EXOC7: variants seen among roughly 807,000 people sequenced by gnomAD.
EXOC7 encodes exocyst complex component 7, also known as exocyst complex component Exo70.
Under a neutral mutation model 87.6 loss-of-function variants are expected in EXOC7, and 51 were observed. That is an observed-to-expected ratio of 0.58 (90% confidence interval 0.46 to 0.73). The LOEUF is 0.73. Ranked by LOEUF, EXOC7 falls within the 30% of genes least tolerant of loss-of-function variation. EXOC7 has a pLI of 0.00. For missense variants in EXOC7, 744 were observed against 888.4 expected, an observed-to-expected ratio of 0.84 and a Z score of 2.07; for synonymous variants, 327 against 357.1, an observed-to-expected ratio of 0.92 and a Z score of 0.95.
At chr17:76,090,541 C>A in intron 7 of EXOC7, 1 of 1,498,382 alleles carries the variant, frequency 6.7e-7, no homozygotes. Flanking sequence ...GGAGAGGGCC[C>A]TGAGCCCCTC....
chr17:76,091,273 C>G (rs2067466903), intron 6 of EXOC7, 38 bp from the exon 7 acceptor site: 1 of 1,583,762 alleles, frequency 6.3e-7, no homozygotes, highest in African/African-American at 1.3e-5. Context: ...ATAAGAAGAC[C>G]TAGGAAATGA....
At chr17:76,088,334 C>G in intron 10 of EXOC7, 130 bp downstream of exon 10, 1 of 1,015,722 alleles carries the variant, frequency 9.8e-7, no homozygotes, top group Non-Finnish European at 1.5e-6. Context: ...TGGGTGCTGA[C>G]AGGCCAGTGG....
At chr17:76,085,835 G>T in intron 13 of EXOC7, 38 bp from the exon 14 acceptor site, 1 of 1,599,312 alleles carries the variant, frequency 6.3e-7, no homozygotes, top group Non-Finnish European at 8.5e-7. Context: ...CACCATGGCA[G>T]TCTGACCCAA....
Position 76,082,686 on chromosome 17 carries a change from G to A in EXOC7, c.*962C>T. The stretch of plus-strand genomic sequence containing the variant: ...GGGCCTGGGCTGCACACCTTAGGAT[G>A]AAGTTTGCTTTCCCATGGCTGGGGG... On this transcript the variant is annotated 3_prime_UTR_variant, in exon 19 of 19. Coordinates refer to ENST00000589210, the MANE Select transcript of EXOC7 (RefSeq NM_001013839.4). 4 of 1,558,208 alleles carry A rather than the reference G, an allele frequency of 2.6e-6. No individual in the cohort carries two copies. Among genetic ancestry groups the A allele is most frequent in the Non-Finnish European group, 3.5e-6 (4 of 1,153,064 alleles).
At chr17:76,088,955 G>A (rs1285503215) in intron 8 of EXOC7, 32 bp from the exon 9 acceptor site, 1 of 1,603,438 alleles carries the variant, frequency 6.2e-7, no homozygotes, top group Non-Finnish European at 8.5e-7. Flanking sequence ...TCAGGGAAGG[G>A]TGGGGCGGTG....
At chr17:76,085,229 G>T in intron 15 of EXOC7, 85 bp downstream of exon 15, 2 of 1,136,022 alleles carry the variant, frequency 1.8e-6, no homozygotes, top group Non-Finnish European at 2.6e-6. Context: ...CCCCGTGACC[G>T]ACTCTGTGTC....
chr17:76,096,666 C>T (rs2067773011), intron 5 of EXOC7, among the ~76,000 whole-genome samples: 1 of 152,136 alleles, frequency 6.6e-6, no homozygotes, highest in Admixed American at 6.5e-5. Flanking sequence ...AAGAGATTCT[C>T]TTGCCTCAGC....
chr17:76,093,470 G>A (rs2067596243), intron 6 of EXOC7: 1 of 152,836 alleles, frequency 6.5e-6, no homozygotes, highest in African/African-American at 2.4e-5. Flanking sequence ...TGAGCAGGCA[G>A]GGACTGGAGA....
chr17:76,088,316 A>C, intron 10 of EXOC7, 148 bp downstream of exon 10: 1 of 944,712 alleles, frequency 1.1e-6, no homozygotes, highest in Non-Finnish European at 1.6e-6. Context: ...GAAGGAAAGG[A>C]AGGCACATGG....
chr17:76,098,062 T>TTC (rs755346275), intron 4 of EXOC7, 44 bp from the exon 5 acceptor site: 2 of 1,566,664 alleles, frequency 1.3e-6, no homozygotes, highest in Non-Finnish European at 1.8e-6. Flanking sequence ...TGCTTCAGTG[T>TTC]TCTGCCAGTC....
chr17:76,099,463 C>T lies in EXOC7; in HGVS notation c.418-1445G>A, dbSNP rs577783890. 7.2e-5 allele frequency among the ~76,000 whole-genome samples: 11 copies of T among 152,102 alleles called. No individual in the cohort carries two copies. The South Asian group carries it at 1.7e-3, about 23-fold the overall frequency. On this transcript the variant is annotated intron_variant, in intron 4 of 18. Transcript: ENST00000589210. Reference sequence around the variant, plus strand: ...TGGAGGTTGCAGTGAGCCAAGATTGCGCCATTGTACTCCAGCCCGGGCAAC... The same window carrying T: ...TGGAGGTTGCAGTGAGCCAAGATTGTGCCATTGTACTCCAGCCCGGGCAAC...
chr17:76,087,034 G>C, intron 12 of EXOC7: 1 of 685,134 alleles, frequency 1.5e-6, no homozygotes, highest in Non-Finnish European at 2.6e-6. Flanking sequence ...CCAAAACACA[G>C]ATAGCAAGAC....
intron 5 of EXOC7, among the ~76,000 whole-genome samples, chr17:76,096,930 A>G (rs868038927): frequency 3.3e-4 from 50 of 150,854 alleles, no homozygotes; most frequent in African/African-American, 1.1e-3. Flanking sequence ...GCTCATTGCA[A>G]CCTCCACCTC....
rs951062281 is a variant in EXOC7 at position 76,088,411 on chromosome 17, G to T, written c.1299+53C>A. ...TGCTCTGAGAGTCCCCCAGGGCCAG[G>T]TCACTGTGGTGCTGGGCCGGGAGGG... On this transcript the variant is annotated intron_variant, in intron 10 of 18. Transcript: ENST00000589210. 3.9e-6 allele frequency: 6 copies of T among 1,556,354 alleles called. No individual in the cohort carries two copies. In the African/African-American group the frequency reaches 8.1e-5, roughly 21 times the overall value.
At position 76,082,200 on chromosome 17, in the gene EXOC7, A is replaced by G. The variant is rs73996109; in HGVS notation, c.*1448T>C. The G allele has an allele frequency of 0.019, 19,376 of 1,045,156 alleles. 2,425 individuals are homozygous for G. In the African/African-American group the frequency reaches 0.27, roughly 14 times the overall value. The allele number at this position is 1,045,156 out of a possible 1,614,324, so 64.7% of individuals were successfully genotyped here. A position where few individuals can be genotyped will look rare whatever the true frequency, so the allele number is the denominator to read the frequency against. ...TCTCCACCATGTCCTCCTCCCTTAGAAGAAACAGGTCTGGGGCAGGGAGCA... is the reference window on the plus strand; with the variant it reads ...TCTCCACCATGTCCTCCTCCCTTAGGAGAAACAGGTCTGGGGCAGGGAGCA... On this transcript the variant is annotated 3_prime_UTR_variant, in exon 19 of 19. Coordinates refer to ENST00000589210, the MANE Select transcript of EXOC7 (RefSeq NM_001013839.4).
At chr17:76,101,044 A>T in intron 4 of EXOC7, 1 of 685,352 alleles carries the variant, frequency 1.5e-6, no homozygotes, top group Non-Finnish European at 1.9e-6. Context: ...TATGTAATTT[A>T]TAATTTAATT....
In EXOC7 at chr17:76,101,325, C is replaced by T. The variant is rs1460647711; in HGVS notation, c.363G>A (p.Lys121=). Residue 121 remains lysine, a synonymous_variant, in exon 4 of 19, where the codon AAG becomes AAA. Coordinates refer to ENST00000589210, the MANE Select transcript of EXOC7 (RefSeq NM_001013839.4). Reference sequence around the variant, plus strand: ...TGTTGTCCTGGAAATACTCCACTGCCTTCTGAATCTTGGCCATGCTTCCCA... The same window carrying T: ...TGTTGTCCTGGAAATACTCCACTGCTTTCTGAATCTTGGCCATGCTTCCCA... ...EYLGSMAKIQ[K]AVEYFQDNSP... is the part of the protein sequence containing the mutation. The T allele has an allele frequency of 6.2e-7, 1 of 1,614,102 alleles. No individual in the cohort carries two copies. The highest frequency in any genetic ancestry group is 8.5e-7 in the Non-Finnish European group (1 of 1,180,028).
At chr17:76,099,493 G>C (rs949129934) in intron 4 of EXOC7, among the ~76,000 whole-genome samples, 1 of 152,078 alleles carries the variant, frequency 6.6e-6, no homozygotes, top group Non-Finnish European at 1.5e-5. Flanking sequence ...GGCAACAAGA[G>C]CATAACTCCG....
intron 4 of EXOC7, among the ~76,000 whole-genome samples, chr17:76,100,557 T>C (rs1450491481): frequency 1.3e-5 from 2 of 150,622 alleles, no homozygotes; most frequent in Admixed American, 1.3e-4. Flanking sequence ...CACTTGAACC[T>C]CGGAGGCAGA....
Sources: allele counts gnomAD v4.1 joint callset (sites outside exome capture counted in the v4.1 genomes callset), GRCh38; gene constraint gnomAD v4.1.1; transcripts MANE v1.5; gene names NCBI Gene and HGNC (gene_info 2026-07-23, HGNC 2026-07-21).